LMAN2L: variants seen among roughly 807,000 people sequenced by gnomAD.
The protein encoded by LMAN2L is lectin, mannose binding 2 like, also known as VIP36-like protein.
In LMAN2L, 30 loss-of-function variants were observed where a neutral mutation model predicts 44.3. The ratio of observed to expected loss-of-function variants is 0.68; its 90% CI spans 0.51 to 0.92. The LOEUF is 0.92. LMAN2L is among the 40% of genes least tolerant of loss of function. The pLI is 0.00. For synonymous variants in LMAN2L, 183 were observed against 171.1 expected, an observed-to-expected ratio of 1.07 and a Z score of -0.54; for missense variants, 429 against 446.1, an observed-to-expected ratio of 0.96 and a Z score of 0.35.
chr2:96,707,587 C>T, intron 7 of LMAN2L, 127 bp downstream of exon 7: 1 of 1,299,142 alleles, frequency 7.7e-7, no homozygotes. Flanking sequence ...AGGGGAAAGG[C>T]AGATGAAAGT....
chr2:96,735,112 TAC>T (rs1161001012), intron 2 of LMAN2L, among the ~76,000 whole-genome samples: 13 of 152,306 alleles, frequency 8.5e-5, no homozygotes, highest in Admixed American at 2.0e-4. Context: ...AAGAGCAAGT[TAC>T]AGTCCCCAAA....
chr2:96,738,893 A>C (rs951058453), intron 1 of LMAN2L, among the ~76,000 whole-genome samples: 7 of 152,052 alleles, frequency 4.6e-5, no homozygotes. Flanking sequence ...GGCGCCCGCC[A>C]CCACACCTGG....
intron 6 of LMAN2L, among the ~76,000 whole-genome samples, chr2:96,710,457 C>T (rs934636821): frequency 1.3e-5 from 2 of 152,080 alleles, no homozygotes; most frequent in Admixed American, 6.6e-5. Flanking sequence ...ATCACAAGGT[C>T]GAGATGGAGA....
chr2:96,721,351 G>C (rs1478317336), intron 4 of LMAN2L, among the ~76,000 whole-genome samples: 1 of 32,312 alleles, frequency 3.1e-5, no homozygotes, highest in Non-Finnish European at 6.3e-5. Context: ...TTTTTTTTTT[G>C]AGACAGGGTC....
intron 4 of LMAN2L, among the ~76,000 whole-genome samples, chr2:96,717,716 G>A (rs2078068867): frequency 1.3e-5 from 2 of 151,450 alleles, no homozygotes; most frequent in Non-Finnish European, 2.9e-5. Flanking sequence ...TCATATGCCT[G>A]TAATCCCAGC....
chr2:96,731,514 C>T (rs927348788), intron 4 of LMAN2L, among the ~76,000 whole-genome samples: 9 of 151,860 alleles, frequency 5.9e-5, no homozygotes, highest in Admixed American at 2.0e-4. Context: ...GGCGTGGTGG[C>T]GTGTGCCTAT....
At chr2:96,715,083 C>T (rs554450259) in intron 4 of LMAN2L, among the ~76,000 whole-genome samples, 1 of 152,102 alleles carries the variant, frequency 6.6e-6, no homozygotes, top group Non-Finnish European at 1.5e-5. Flanking sequence ...GGATTACAGG[C>T]GCTCGCCACC....
chr2:96,733,602 C>T lies in LMAN2L; in HGVS notation c.425-1G>A. 6.2e-7 allele frequency: 1 copy of T among 1,610,310 alleles called. No homozygotes were observed. The highest frequency in any genetic ancestry group is 8.5e-7 in the Non-Finnish European group (1 of 1,176,752). On this transcript the variant is annotated splice_acceptor_variant, in intron 3 of 7. Coordinates refer to ENST00000264963, the MANE Select transcript of LMAN2L (RefSeq NM_030805.4). LOFTEE classifies it high-confidence loss of function. The stretch of plus-strand genomic sequence containing the variant: ...TTGTCCATGTTTCCAAACACAGGCC[C>T]TAGAGAGAGAGAACAGATGATGAAC...
intron 4 of LMAN2L, chr2:96,713,116 T>G: frequency 6.4e-7 from 1 of 1,551,398 alleles, no homozygotes; most frequent in African/African-American, 1.4e-5. Context: ...CCTGGACTCC[T>G]GGAGAATATC....
rs141804762 is a variant in LMAN2L, at chr2:96,733,147, A to G, written c.507+372T>C. ...AAAGTGTGTGCAAGTTGCAGAAGAG[A>G]GCACAGCACTGATGGATTAAAAGTC... is the stretch of plus-strand genomic sequence containing the variant. On this transcript the variant is annotated intron_variant, in intron 4 of 7. Coordinates refer to ENST00000264963, the MANE Select transcript of LMAN2L (RefSeq NM_030805.4). 3.4e-3 allele frequency among the ~76,000 whole-genome samples: 512 copies of G among 152,296 alleles called. 1 individual carries two copies. Among genetic ancestry groups the G allele is most frequent in the Non-Finnish European group, 5.0e-3 (343 of 68,030 alleles).
At chr2:96,738,096 C>G in intron 1 of LMAN2L, 29 bp from the exon 2 acceptor site, 3 of 1,464,228 alleles carry the variant, frequency 2.0e-6, no homozygotes, top group Middle Eastern at 1.7e-4. Flanking sequence ...TCAGTTCATA[C>G]TTTTCAACAC....
chr2:96,716,492 C>A (rs1410957578), intron 4 of LMAN2L, among the ~76,000 whole-genome samples: 2 of 152,076 alleles, frequency 1.3e-5, no homozygotes, highest in African/African-American at 2.4e-5. Flanking sequence ...CTTTTGGGAA[C>A]CCAGATGTGA....
chr2:96,718,765 C>T (rs1284210047), intron 4 of LMAN2L, among the ~76,000 whole-genome samples: 2 of 152,184 alleles, frequency 1.3e-5, no homozygotes, highest in Non-Finnish European at 1.5e-5. Context: ...TTACACATTA[C>T]TAGGCAGCCT....
At chr2:96,731,909 G>A (rs982666938) in intron 4 of LMAN2L, among the ~76,000 whole-genome samples, 2 of 151,794 alleles carry the variant, frequency 1.3e-5, no homozygotes, top group Non-Finnish European at 2.9e-5. Flanking sequence ...GTGCAATGGC[G>A]TGGTCTCAGC....
At chr2:96,729,197 T>C (rs2078340541) in intron 4 of LMAN2L, among the ~76,000 whole-genome samples, 1 of 147,772 alleles carries the variant, frequency 6.8e-6, no homozygotes, top group African/African-American at 2.5e-5. Context: ...TAAAATAAAA[T>C]AAAACAAAAT....
At chr2:96,721,110 C>T (rs1231773147) in intron 4 of LMAN2L, among the ~76,000 whole-genome samples, 1 of 152,038 alleles carries the variant, frequency 6.6e-6, no homozygotes, top group African/African-American at 2.4e-5. Flanking sequence ...CTCATGCCCA[C>T]TAGTAGTCAC....
chr2:96,708,850 T>C (rs1386828715), intron 6 of LMAN2L, among the ~76,000 whole-genome samples: 1 of 151,384 alleles, frequency 6.6e-6, no homozygotes, highest in Non-Finnish European at 1.5e-5. Context: ...CTTTAAAGTA[T>C]CATTATAAAC....
intron 4 of LMAN2L, among the ~76,000 whole-genome samples, chr2:96,712,303 T>C (rs1356766163): frequency 1.3e-5 from 2 of 152,238 alleles, no homozygotes; most frequent in Admixed American, 1.3e-4. Flanking sequence ...CGCTGGAGTC[T>C]GACTTGAATG....
At chr2:96,715,355 G>A (rs568266603) in intron 4 of LMAN2L, among the ~76,000 whole-genome samples, 79 of 152,330 alleles carry the variant, frequency 5.2e-4, no homozygotes, top group Non-Finnish European at 1.1e-3. Flanking sequence ...TGTCTACTTC[G>A]GCAACACGAG....
Sources: allele counts gnomAD v4.1 joint callset (sites outside exome capture counted in the v4.1 genomes callset), GRCh38; gene constraint gnomAD v4.1.1; transcripts MANE v1.5; gene names NCBI Gene and HGNC (gene_info 2026-07-23, HGNC 2026-07-21).